PSMG2: variants seen among roughly 807,000 people sequenced by gnomAD.
PSMG2 encodes the protein proteasome assembly chaperone 2.
Under a neutral mutation model 31.5 loss-of-function variants are expected in PSMG2, and 21 were observed. That is an observed-to-expected ratio of 0.67 (90% CI 0.47 to 0.96). The LOEUF (loss-of-function observed/expected upper bound fraction) is 0.96, where lower values mean the gene tolerates loss of function less well. Among genes scored for constraint, PSMG2 ranks in the 40% least tolerant of loss-of-function variants. The pLI is 0.00. For missense variants in PSMG2, 318 were observed against 321.2 expected, an observed-to-expected ratio of 0.99 and a Z score of 0.08; for synonymous variants, 120 against 110.4, an observed-to-expected ratio of 1.09 and a Z score of -0.54.
At chr18:12,712,898 T>G in intron 3 of PSMG2, 138 bp downstream of exon 3, 1 of 569,030 alleles carries the variant, frequency 1.8e-6, no homozygotes, top group South Asian at 3.3e-5. Flanking sequence ...GAAATAATCT[T>G]ACAATATTTC....
At chr18:12,698,341 G>A (rs2040034037), upstream of PSMG2, among the ~76,000 whole-genome samples, 1 of 152,048 alleles carries the variant, frequency 6.6e-6, no homozygotes, top group African/African-American at 2.4e-5. Context: ...TAGAAATTTT[G>A]TATTTCTAGT....
chr18:12,700,000 C>CAACA, upstream of PSMG2: 1 of 716,154 alleles, frequency 1.4e-6, no homozygotes, highest in South Asian at 2.4e-5. Context: ...AACCTAAAGT[C>CAACA]AACAGGGTAA....
intron 3 of PSMG2, among the ~76,000 whole-genome samples, chr18:12,714,509 A>C (rs1336430418): frequency 1.3e-5 from 2 of 148,402 alleles, no homozygotes; most frequent in African/African-American, 2.5e-5. Context: ...TTTTTCCTTG[A>C]AACAGGGTCT....
At chr18:12,708,075 A>T (rs138996192) in intron 2 of PSMG2, among the ~76,000 whole-genome samples, 5 of 152,200 alleles carry the variant, frequency 3.3e-5, no homozygotes, top group African/African-American at 1.2e-4. Context: ...TGAGCTCAGG[A>T]GTTTGAGACC....
intron 1 of PSMG2, among the ~76,000 whole-genome samples, chr18:12,667,386 G>A (rs1176611244): frequency 2.0e-5 from 3 of 152,144 alleles, no homozygotes; most frequent in East Asian, 3.9e-4. Context: ...GAGCCCAGGT[G>A]TTCAAGGCTG....
Position 12,713,725 on chromosome 18 carries a change from G to A in PSMG2, c.288+965G>A, listed in dbSNP as rs376393256. On this transcript the variant is annotated intron_variant, in intron 3 of 6. Transcript: ENST00000317615. ...GGAGGAAGTTTCAGTATTTTACCAA[G>A]TAGTTTCTTATCTGCTACCCTGCAA... Among the ~76,000 whole-genome samples the A allele has an allele frequency of 5.3e-5, 8 of 152,044 alleles. No homozygotes were observed. The East Asian group carries it at 1.5e-3, about 29-fold the overall frequency.
At chr18:12,718,484 A>G (rs899598958) in intron 3 of PSMG2, 33 bp from the exon 4 acceptor site, 2 of 1,409,354 alleles carry the variant, frequency 1.4e-6, no homozygotes, top group Admixed American at 2.0e-5. Context: ...TAACTTTTAG[A>G]TTTTCTTTTT....
At chr18:12,692,298 AGAGT>A in intron 1 of PSMG2, 1 of 151,450 alleles carries the variant, frequency 6.6e-6, no homozygotes, top group East Asian at 2.0e-4. Flanking sequence ...CCTGGGCGAT[AGAGT>A]GAGACTCTAT....
chr18:12,690,948 C>CCG (rs1555646011), intron 1 of PSMG2, among the ~76,000 whole-genome samples: 2 of 151,346 alleles, frequency 1.3e-5, no homozygotes, highest in African/African-American at 4.8e-5. Flanking sequence ...AGCCCCCCCC[C>CCG]GTTCTGCACA....
chr18:12,713,804 GGC>G (rs2040353026), intron 3 of PSMG2, among the ~76,000 whole-genome samples: 1 of 151,576 alleles, frequency 6.6e-6, no homozygotes, highest in Admixed American at 6.6e-5. Context: ...CTGATGCCCA[GGC>G]TTAAGTGCAC....
intron 1 of PSMG2, chr18:12,691,276 CAAAT>C: frequency 1.1e-6 from 1 of 872,832 alleles, no homozygotes; most frequent in Non-Finnish European, 1.7e-6. Context: ...ATACATTTTA[CAAAT>C]AAATATTAAA....
chr18:12,715,869 A>T (rs1004121411), intron 3 of PSMG2, among the ~76,000 whole-genome samples: 2 of 152,224 alleles, frequency 1.3e-5, no homozygotes, highest in African/African-American at 4.8e-5. Context: ...ATAAATATAC[A>T]GCTTGGTGAA....
At chr18:12,689,605 AC>A (rs2039674098) in intron 1 of PSMG2, among the ~76,000 whole-genome samples, 1 of 152,020 alleles carries the variant, frequency 6.6e-6, no homozygotes, top group South Asian at 2.1e-4. Context: ...AGAAAATCCC[AC>A]TTCCTTGACT....
intron 1 of PSMG2, among the ~76,000 whole-genome samples, chr18:12,695,866 A>G (rs972084400): frequency 6.6e-6 from 1 of 151,832 alleles, no homozygotes; most frequent in African/African-American, 2.4e-5. Context: ...ACACACACAC[A>G]CACACACACA....
chr18:12,715,790 G>T (rs2040370736), intron 3 of PSMG2, among the ~76,000 whole-genome samples: 1 of 152,228 alleles, frequency 6.6e-6, no homozygotes, highest in African/African-American at 2.4e-5. Flanking sequence ...ACAGGCGTGA[G>T]CCACTGTGCT....
chr18:12,701,852 CGGG>C (rs1319252439), upstream of PSMG2, among the ~76,000 whole-genome samples: 1 of 152,198 alleles, frequency 6.6e-6, no homozygotes, highest in Non-Finnish European at 1.5e-5. Context: ...TGATATCTGC[CGGG>C]CGCGGAGGCT....
At chr18:12,693,684 G>A (rs28446685) in intron 1 of PSMG2, among the ~76,000 whole-genome samples, 3,117 of 152,220 alleles carry the variant, frequency 0.02, 121 homozygotes, top group African/African-American at 0.071. Flanking sequence ...TCAGGAGACT[G>A]AGGCAGGAGA....
intron 1 of PSMG2, among the ~76,000 whole-genome samples, chr18:12,683,393 TA>T (rs531562261): frequency 3.2e-4 from 44 of 138,020 alleles, no homozygotes; most frequent in Admixed American, 6.6e-4. Flanking sequence ...AACCACTGAA[TA>T]AAAAAAAAAG....
At chr18:12,682,074 A>G (rs2039370453) in intron 1 of PSMG2, among the ~76,000 whole-genome samples, 1 of 152,170 alleles carries the variant, frequency 6.6e-6, no homozygotes, top group South Asian at 2.1e-4. Context: ...ATTAAACACT[A>G]TGGTTACAAT....
Sources: allele counts gnomAD v4.1 joint callset (sites outside exome capture counted in the v4.1 genomes callset), GRCh38; gene constraint gnomAD v4.1.1; transcripts MANE v1.5; gene names NCBI Gene and HGNC (gene_info 2026-07-23, HGNC 2026-07-21).